The following TRPS1 variants were observed in gnomAD, a reference collection of about 807,000 sequenced individuals.
The protein encoded by TRPS1 is zinc finger transcription factor Trps1.
A neutral mutation model predicts 101.2 loss-of-function variants in TRPS1; 6 were observed. The ratio of observed to expected loss-of-function variants is 0.06; its 90% confidence interval spans 0.03 to 0.12. The LOEUF (loss-of-function observed/expected upper bound fraction) is 0.12. TRPS1 is among the 10% of genes least tolerant of loss of function. The probability of loss-of-function intolerance (pLI) is 1.00; values close to 1 mark genes in which losing one functional copy is unlikely to be tolerated. For missense variants in TRPS1, 1,363 were observed against 1,567.0 expected (o/e 0.87, Z 2.20); for synonymous variants, 578 against 589.8 (o/e 0.98, Z 0.29).
chr8:115,629,525 G>A (rs556071808), intron 1 of TRPS1, among the ~76,000 whole-genome samples: 1 of 151,918 alleles, frequency 6.6e-6, no homozygotes, highest in South Asian at 2.1e-4. Context: ...GCATAAAGAA[G>A]CTCTATTTTT....
At chr8:115,475,931 A>G (rs1814594374) in intron 5 of TRPS1, among the ~76,000 whole-genome samples, 1 of 152,170 alleles carries the variant, frequency 6.6e-6, no homozygotes, top group East Asian at 1.9e-4. Flanking sequence ...ACAAAAGAAA[A>G]CAGCAAACTA....
chr8:115,500,744 G>T (rs1435102976), intron 5 of TRPS1, among the ~76,000 whole-genome samples: 1 of 151,832 alleles, frequency 6.6e-6, no homozygotes, highest in African/African-American at 2.4e-5. Flanking sequence ...TAATTTTTTT[G>T]TGTGTGTTTT....
chr8:115,597,924 C>T (rs1451343487), intron 4 of TRPS1, among the ~76,000 whole-genome samples: 1 of 152,098 alleles, frequency 6.6e-6, no homozygotes, highest in East Asian at 1.9e-4. Flanking sequence ...TTCTTTTGAA[C>T]ATCCAGAGAC....
intron 5 of TRPS1, among the ~76,000 whole-genome samples, chr8:115,441,904 T>A (rs1470150489): frequency 4.0e-5 from 6 of 151,288 alleles, no homozygotes; most frequent in African/African-American, 1.2e-4. Flanking sequence ...AGAGAGTGTG[T>A]GTGTGTGTGT....
intron 5 of TRPS1, among the ~76,000 whole-genome samples, chr8:115,423,200 C>T (rs371057026): frequency 1.5e-4 from 23 of 152,290 alleles, no homozygotes; most frequent in African/African-American, 5.1e-4. Context: ...ATCAACAATT[C>T]GAGAAAATGA....
intron 5 of TRPS1, among the ~76,000 whole-genome samples, chr8:115,488,367 G>T (rs1450070520): frequency 6.6e-6 from 1 of 152,134 alleles, no homozygotes; most frequent in Non-Finnish European, 1.5e-5. Flanking sequence ...CAAGCCCACA[G>T]TTATCTCCAA....
chr8:115,456,785 TA>T (rs1400740737), intron 5 of TRPS1, among the ~76,000 whole-genome samples: 5 of 152,144 alleles, frequency 3.3e-5, no homozygotes, highest in African/African-American at 4.8e-5. Context: ...CTTTTTTTGA[TA>T]TGATAAAATC....
intron 5 of TRPS1, among the ~76,000 whole-genome samples, chr8:115,482,813 G>A (rs1283444904): frequency 1.3e-5 from 2 of 152,132 alleles, no homozygotes; most frequent in African/African-American, 4.8e-5. Context: ...TATCCTGTGG[G>A]CATTTTAGAT....
chr8:115,584,228 T>C (rs1218992129), intron 5 of TRPS1, among the ~76,000 whole-genome samples: 1 of 152,030 alleles, frequency 6.6e-6, no homozygotes, highest in Non-Finnish European at 1.5e-5. Flanking sequence ...TCACTCTGTA[T>C]AGTATTTTTA....
intron 1 of TRPS1, among the ~76,000 whole-genome samples, chr8:115,644,871 G>C (rs1818986528): frequency 6.6e-6 from 1 of 152,130 alleles, no homozygotes; most frequent in African/African-American, 2.4e-5. Flanking sequence ...GCACCAGAGA[G>C]ACAAGGGAAC....
chr8:115,587,783 T>C (rs1243760111), intron 4 of TRPS1, among the ~76,000 whole-genome samples, 179 bp from the exon 5 acceptor site: 2 of 152,204 alleles, frequency 1.3e-5, no homozygotes, highest in Admixed American at 6.5e-5. Context: ...CAGTTCTATA[T>C]AAAGAGTTCA....
intron 5 of TRPS1, among the ~76,000 whole-genome samples, chr8:115,524,462 A>G (rs929433002): frequency 4.6e-5 from 7 of 151,586 alleles, no homozygotes; most frequent in Non-Finnish European, 1.0e-4. Flanking sequence ...CTGGGATTAC[A>G]GGCATGCGCC....
Position 115,409,421 on chromosome 8 carries a change from C to T in TRPS1, c.*4602G>A, listed in dbSNP as rs1448494305. 1 of 151,684 alleles carries T rather than the reference C, an allele frequency of 6.6e-6. No homozygotes were observed. The highest frequency in any genetic ancestry group is 1.5e-5 in the Non-Finnish European group (1 of 67,900). The allele number at this position is 151,684 out of a possible 1,614,324, so 9.4% of individuals were successfully genotyped here. A position where few individuals can be genotyped will look rare whatever the true frequency, so the allele number is the denominator to read the frequency against. On this transcript the variant is annotated 3_prime_UTR_variant, in exon 7 of 7. Coordinates refer to ENST00000395715, the MANE Select transcript of TRPS1 (RefSeq NM_014112.5). ...GGACAGAGTGAAGCTTACAGCTCTC[C>T]CTTTCCTTTCAAGAGAACACATGAA...
intron 1 of TRPS1, among the ~76,000 whole-genome samples, chr8:115,636,709 T>A (rs1408362236): frequency 1.3e-5 from 2 of 149,824 alleles, no homozygotes; most frequent in Admixed American, 1.3e-4. Flanking sequence ...AGGCCAGGAG[T>A]TCAAGACCAG....
chr8:115,574,202 C>T (rs1436951076), intron 5 of TRPS1, among the ~76,000 whole-genome samples: 1 of 152,158 alleles, frequency 6.6e-6, no homozygotes, highest in Non-Finnish European at 1.5e-5. Context: ...CAACAAGAAA[C>T]TTTAGAGACC....
chr8:115,530,944 G>T (rs553191272), intron 5 of TRPS1, among the ~76,000 whole-genome samples: 3 of 152,170 alleles, frequency 2.0e-5, no homozygotes, highest in South Asian at 4.2e-4. Flanking sequence ...GTGGGGGAAG[G>T]GGGGAGGGAT....
rs764435755 is a variant in TRPS1, at chr8:115,604,618, A to T, written c.1351T>A (p.Phe451Ile). Reference sequence around the variant, plus strand: ...GATGACTCACAGCTGAAACTACAAAATTTACACCAGTAGTAACTGGTGGCC... The same window carrying T: ...GATGACTCACAGCTGAAACTACAAATTTTACACCAGTAGTAACTGGTGGCC... ...TEATSYYWCK[F>I]CSFSCESSSS... Residue 451 changes from phenylalanine to isoleucine, a missense_variant, in exon 4 of 7, where the codon TTT becomes ATT. By Grantham distance (21) the Phe-to-Ile change is conservative (BLOSUM62 0). Coordinates refer to ENST00000395715, the MANE Select transcript of TRPS1 (RefSeq NM_014112.5). This position sits in a 1 kb window ranked among gnomAD's most constrained non-coding sequence, Gnocchi z 4.1. 1 of 1,614,022 alleles carries T rather than the reference A, an allele frequency of 6.2e-7. No individual in the cohort carries two copies.
intron 5 of TRPS1, among the ~76,000 whole-genome samples, chr8:115,535,749 A>G (rs1020488861): frequency 5.3e-5 from 8 of 151,298 alleles, no homozygotes; most frequent in African/African-American, 1.9e-4. Context: ...ATATATATAT[A>G]CATGTATATG....
chr8:115,551,676 T>G (rs933678730), intron 5 of TRPS1, among the ~76,000 whole-genome samples: 1 of 152,192 alleles, frequency 6.6e-6, no homozygotes, highest in Non-Finnish European at 1.5e-5. Context: ...TTCAAAGTGC[T>G]TTTGAATAGA....
Sources: allele counts gnomAD v4.1 joint callset (sites outside exome capture counted in the v4.1 genomes callset), GRCh38; gene constraint gnomAD v4.1.1; non-coding constraint Gnocchi (gnomAD v3.1); transcripts MANE v1.5; gene names NCBI Gene and HGNC (gene_info 2026-07-23, HGNC 2026-07-21).